Variants in SIL1 observed in about 807,000 individuals in gnomAD.
The protein encoded by SIL1 is nucleotide exchange factor SIL1.
A neutral mutation model predicts 49.1 loss-of-function variants in SIL1; 40 were observed. The observed-to-expected ratio is 0.81, with a 90% CI of 0.63 to 1.06. The LOEUF (loss-of-function observed/expected upper bound fraction) is 1.06, where lower values mean the gene tolerates loss of function less well. Among genes scored for constraint, SIL1 ranks in the 50% least tolerant of loss-of-function variants. The probability of loss-of-function intolerance (pLI) is 0.00; values close to 1 mark genes in which losing one functional copy is unlikely to be tolerated. For missense variants in SIL1, 500 were observed against 572.6 expected (o/e 0.87, Z 1.29); for synonymous variants, 253 against 250.8 (o/e 1.01, Z -0.08).
chr5:138,956,407 T>C (rs1438493625), intron 7 of SIL1, among the ~76,000 whole-genome samples: 1 of 152,226 alleles, frequency 6.6e-6, no homozygotes, highest in Non-Finnish European at 1.5e-5. Context: ...TATATTTGCC[T>C]GCCATCCAGG....
At chr5:139,002,427 A>G (rs1768008003) in intron 7 of SIL1, among the ~76,000 whole-genome samples, 1 of 152,176 alleles carries the variant, frequency 6.6e-6, no homozygotes, top group Non-Finnish European at 1.5e-5. Flanking sequence ...AATATTTCAT[A>G]TTTTTGAAAT....
intron 3 of SIL1, among the ~76,000 whole-genome samples, chr5:139,076,451 A>G (rs911313825): frequency 2.6e-5 from 4 of 152,222 alleles, no homozygotes; most frequent in Non-Finnish European, 4.4e-5. Context: ...TAGTAACAGA[A>G]GCTAAAAGTC....
intron 3 of SIL1, among the ~76,000 whole-genome samples, chr5:139,063,051 G>A (rs938417948): frequency 2.0e-5 from 3 of 152,194 alleles, no homozygotes; most frequent in African/African-American, 7.2e-5. Flanking sequence ...GAAGCACCTG[G>A]AGCTCAGCAT....
At chr5:139,063,883 C>A (rs1432514423) in intron 3 of SIL1, among the ~76,000 whole-genome samples, 2 of 152,140 alleles carry the variant, frequency 1.3e-5, no homozygotes, top group Non-Finnish European at 2.9e-5. Context: ...GACTGAGACC[C>A]AAATGAAAGT....
chr5:139,137,314 G>A (rs1379877555), intron 1 of SIL1: 2 of 702,488 alleles, frequency 2.8e-6, no homozygotes, highest in East Asian at 5.4e-5. Flanking sequence ...CCAAAATTCA[G>A]AGAGGTTAAG....
At chr5:139,052,370 T>C (rs1769309947) in intron 3 of SIL1, among the ~76,000 whole-genome samples, 1 of 152,064 alleles carries the variant, frequency 6.6e-6, no homozygotes, top group African/African-American at 2.4e-5. Flanking sequence ...TGCATAATGA[T>C]CTCCCTCTAA....
intron 1 of SIL1, among the ~76,000 whole-genome samples, chr5:139,170,549 C>T (rs62382979): frequency 0.026 from 3,876 of 151,758 alleles, 57 homozygotes; most frequent in Non-Finnish European, 0.036. Context: ...AGCACCTCTG[C>T]CCGGCCGCGA....
At position 139,049,087 on chromosome 5, in the gene SIL1, T is replaced by C. The variant is rs1326159427; in HGVS notation, c.353+1851A>G. Among the ~76,000 whole-genome samples, 5 of 152,226 alleles carry C rather than the reference T, an allele frequency of 3.3e-5. No homozygotes were observed. In the East Asian group the frequency reaches 7.7e-4, roughly 23 times the overall value. The stretch of plus-strand genomic sequence containing the variant: ...CACATGGACCAGCTGAGTGACCTTC[T>C]GACAGGCATGTCAAGGAAAAGACTA... On this transcript the variant is annotated intron_variant, in intron 4 of 9. Transcript: ENST00000394817.
At chr5:139,080,817 C>T (rs1770056219) in intron 3 of SIL1, among the ~76,000 whole-genome samples, 1 of 152,058 alleles carries the variant, frequency 6.6e-6, no homozygotes, top group Non-Finnish European at 1.5e-5. Flanking sequence ...CCCTTTTTGT[C>T]TTGGCTACCA....
At chr5:139,166,228 G>A (rs906906527) in intron 1 of SIL1, among the ~76,000 whole-genome samples, 74 of 152,326 alleles carry the variant, frequency 4.9e-4, no homozygotes, top group African/African-American at 1.7e-3. Flanking sequence ...AGAGTCATGT[G>A]CTGCACATTT....
At chr5:139,157,092 CT>C (rs1233891374) in intron 1 of SIL1, among the ~76,000 whole-genome samples, 1 of 152,224 alleles carries the variant, frequency 6.6e-6, no homozygotes, top group Non-Finnish European at 1.5e-5. Flanking sequence ...GCAAAGCCTT[CT>C]CATGAGCCTC....
chr5:138,978,589 T>C (rs1767442911), intron 7 of SIL1, among the ~76,000 whole-genome samples: 1 of 152,232 alleles, frequency 6.6e-6, no homozygotes, highest in Non-Finnish European at 1.5e-5. Context: ...GATAACTCTA[T>C]GTTTAACTAT....
chr5:138,989,413 T>C (rs1370569417), intron 7 of SIL1, among the ~76,000 whole-genome samples: 2 of 152,114 alleles, frequency 1.3e-5, no homozygotes, highest in Non-Finnish European at 2.9e-5. Context: ...ATCTTAGTCA[T>C]ATGGTTTGAA....
intron 1 of SIL1, among the ~76,000 whole-genome samples, chr5:139,170,148 C>G (rs899521332): frequency 2.6e-5 from 4 of 152,240 alleles, no homozygotes; most frequent in Non-Finnish European, 5.9e-5. Flanking sequence ...GGATTGCAGA[C>G]GGAGTCTGGT....
intron 5 of SIL1, among the ~76,000 whole-genome samples, chr5:139,030,177 T>C (rs1048799391): frequency 7.5e-4 from 114 of 152,004 alleles, no homozygotes; most frequent in African/African-American, 2.6e-3. Context: ...ATTATTTGAA[T>C]TTTTTGGCCA....
chr5:138,950,707 T>C (rs1011459245), intron 9 of SIL1, among the ~76,000 whole-genome samples: 3 of 152,136 alleles, frequency 2.0e-5, no homozygotes, highest in Admixed American at 6.5e-5. Flanking sequence ...TGGCAAGCAA[T>C]TGGGTCCCTG....
intron 7 of SIL1, among the ~76,000 whole-genome samples, chr5:138,963,283 C>T (rs893642424): frequency 2.0e-5 from 3 of 152,116 alleles, no homozygotes; most frequent in African/African-American, 7.2e-5. Context: ...AGCTTCCTTC[C>T]TCACTCAGAT....
At chr5:139,040,515 T>TTTTA (rs1769023031) in intron 5 of SIL1, among the ~76,000 whole-genome samples, 3 of 113,030 alleles carry the variant, frequency 2.7e-5, no homozygotes, top group African/African-American at 9.7e-5. Flanking sequence ...TTTTTTTTTT[T>TTTTA]GAGACAGAGT....
chr5:139,054,106 T>C (rs751644221), intron 3 of SIL1, among the ~76,000 whole-genome samples: 1 of 152,052 alleles, frequency 6.6e-6, no homozygotes, highest in Non-Finnish European at 1.5e-5. Context: ...CACAATGAGA[T>C]CCCATCTCTA....
Sources: gnomAD v4.1 joint callset for allele counts (sites outside exome capture counted in the v4.1 genomes callset) on GRCh38, gnomAD v4.1.1 for gene constraint, MANE v1.5 for transcripts, NCBI Gene and HGNC (gene_info 2026-07-23, HGNC 2026-07-21) for gene names.